Variants in DPP9 observed in about 807,000 individuals in gnomAD.
DPP9 encodes dipeptidyl peptidase IV-related protein-2.
Under a neutral mutation model 110.7 loss-of-function variants are expected in DPP9, and 50 were observed. The observed-to-expected ratio is 0.45, with a 90% CI of 0.36 to 0.57. The LOEUF (loss-of-function observed/expected upper bound fraction) is 0.57, where lower values mean the gene tolerates loss of function less well. Among genes scored for constraint, DPP9 ranks in the 20% least tolerant of loss-of-function variants. DPP9 has a pLI of 0.00. For missense variants in DPP9, 1,022 were observed against 1,217.9 expected (o/e 0.84, Z 2.39); for synonymous variants, 561 against 514.4 (o/e 1.09, Z -1.23).
At chr19:4,678,643 G>A (rs1169929940) in intron 21 of DPP9, among the ~76,000 whole-genome samples, 2 of 152,014 alleles carry the variant, frequency 1.3e-5, no homozygotes, top group African/African-American at 2.4e-5. Context: ...GGGTGTCGGT[G>A]GGGGGCACCG....
intron 21 of DPP9, 148 bp downstream of exon 21, chr19:4,679,687 A>G (rs2089520197): frequency 1.6e-6 from 1 of 633,976 alleles, no homozygotes. Flanking sequence ...GAGGGCGGGG[A>G]CACAGGGCTG....
intron 18 of DPP9, 71 bp from the exon 19 acceptor site, chr19:4,683,700 GCTC>G (rs1568302370): frequency 1.2e-6 from 2 of 1,612,474 alleles, no homozygotes; most frequent in Non-Finnish European, 1.7e-6. Context: ...TGACACCTCT[GCTC>G]CTTTCAGGGC....
rs538959029 is a variant in DPP9 at position 4,687,184 on chromosome 19, G to C, written c.1886-1413C>G. On this transcript the variant is annotated intron_variant, in intron 16 of 21. Coordinates refer to ENST00000262960, the MANE Select transcript of DPP9 (RefSeq NM_139159.5). The surrounding 1 kb of genome is among the most constrained non-coding windows in gnomAD (Gnocchi z 4.7). ...GGAGAGTGAGGACTGGGCTCTAGAG[G>C]GAGGCCTGGGATCTGTTTCTGCTCA... Among the ~76,000 whole-genome samples the C allele has an allele frequency of 3.9e-5, 6 of 152,292 alleles. No homozygotes were observed. Among genetic ancestry groups the C allele is most frequent in the East Asian group, 1.9e-4 (1 of 5,172 alleles).
chr19:4,717,808 C>G (rs1222264753), intron 3 of DPP9: 1 of 152,250 alleles, frequency 6.6e-6, no homozygotes, highest in Non-Finnish European at 1.5e-5. Context: ...GGGCACAGCC[C>G]GGATTGCAGA....
chr19:4,685,718 C>A lies in DPP9; in HGVS notation c.1939G>T (p.Asp647Tyr), dbSNP rs778055865. ...TAGATCATGCCGTAGAGCCGCACATCCGAGCGCGTGTGGAAATGGAAGATC... is the reference window on the plus strand; with the variant it reads ...TAGATCATGCCGTAGAGCCGCACATACGAGCGCGTGTGGAAATGGAAGATC... ...PEIFHFHTRS[D>Y]VRLYGMIYKP... The change falls in exon 17 of 22, where the codon GAT (aspartate) becomes TAT (tyrosine). Residue 647 changes from aspartate to tyrosine, a missense_variant. By Grantham distance (160) the Asp-to-Tyr change is radical. Coordinates refer to ENST00000262960, the MANE Select transcript of DPP9 (RefSeq NM_139159.5). This position sits in a 1 kb window ranked among gnomAD's most constrained non-coding sequence, Gnocchi z 5.8. 1.2e-6 allele frequency: 2 copies of A among 1,613,532 alleles called. No individual in the cohort carries two copies. Among genetic ancestry groups the A allele is most frequent in the Non-Finnish European group, 1.7e-6 (2 of 1,179,836 alleles).
chr19:4,713,411 G>C (rs1028163747), intron 4 of DPP9, among the ~76,000 whole-genome samples: 2 of 152,234 alleles, frequency 1.3e-5, no homozygotes, highest in Admixed American at 6.5e-5. Context: ...GTGCCCTGAA[G>C]GCACTCGTGG....
At chr19:4,680,918 C>G (rs751528069) in intron 20 of DPP9, among the ~76,000 whole-genome samples, 1 of 152,282 alleles carries the variant, frequency 6.6e-6, no homozygotes, top group African/African-American at 2.4e-5. Context: ...GATTAAGCCA[C>G]TGCACTCCAG....
chr19:4,709,474 G>A (rs2092733975), intron 4 of DPP9, among the ~76,000 whole-genome samples: 1 of 152,162 alleles, frequency 6.6e-6, no homozygotes, highest in African/African-American at 2.4e-5. Context: ...CGCAAGTGCT[G>A]GAAACACGAC....
rs756881639 is a variant in DPP9, at chr19:4,694,802, A to T, written c.1375T>A (p.Phe459Ile). The stretch of plus-strand genomic sequence containing the variant: ...TCGTCCTCTCCCTCTGATTGGGGGA[A>T]GGGATAGAAGATGTCATGAACCTGT... The part of the protein sequence containing the change: ...WINVHDIFYP[F>I]PQSEGEDELC... The change falls in exon 13 of 22, where the codon TTC becomes ATC. Residue 459 changes from phenylalanine to isoleucine, a missense_variant. Phe to Ile is a conservative substitution (Grantham distance 21). This residue lies in a region of DPP9 where 810 missense variants were observed against 920.6 expected (regional missense o/e 0.88). Coordinates refer to ENST00000262960, the MANE Select transcript of DPP9 (RefSeq NM_139159.5). The surrounding 1 kb of genome is among the most constrained non-coding windows in gnomAD (Gnocchi z 4.0). 34 of 1,613,750 alleles carry T rather than the reference A, an allele frequency of 2.1e-5. No individual in the cohort carries two copies. Among genetic ancestry groups the T allele is most frequent in the Non-Finnish European group, 2.8e-5 (33 of 1,179,868 alleles).
In DPP9 at chr19:4,700,289, G is replaced by A. The variant is rs765987033; in HGVS notation, c.1013-12C>T. ...GGGATTCTTGCTGCCTGCAAAAACC[G>A]AAGTGAGGTGAACACCAGGCAGGCA... On this transcript the variant is annotated splice_polypyrimidine_tract_variant and intron_variant, in intron 9 of 21. Transcript: ENST00000262960. This position sits in a 1 kb window ranked among gnomAD's most constrained non-coding sequence, Gnocchi z 4.3. The A allele has an allele frequency of 1.1e-5, 17 of 1,596,988 alleles. No individual in the cohort carries two copies. Among genetic ancestry groups the A allele is most frequent in the Admixed American group, 6.8e-5 (4 of 59,042 alleles).
In DPP9 at chr19:4,676,628, C is replaced by T. The variant is rs755693930; in HGVS notation, c.2615G>A (p.Arg872His). 2.5e-6 allele frequency: 4 copies of T among 1,607,876 alleles called. No individual in the cohort carries two copies. The highest frequency in any genetic ancestry group is 1.3e-5 in the African/African-American group (1 of 74,804). The change falls in exon 22 of 22, where the codon CGC (arginine) becomes CAC (histidine). Residue 872 changes from arginine (R) to histidine (H), a missense_variant. By Grantham distance (29) the Arg-to-His change is conservative. This residue lies in a region of DPP9 where 209 missense variants were observed against 280.4 expected (regional missense o/e 0.75). Transcript: ENST00000262960. This position sits in a 1 kb window ranked among gnomAD's most constrained non-coding sequence, Gnocchi z 4.0. ...ATAGTGCTCGCCCGACTCGGGGCAG[C>T]GAATACTGTGTCTCTCGTTGGGGTA... ...QIYPNERHSI[R>H]CPESGEHYEV... is the part of the protein sequence containing the mutation.
At chr19:4,721,494 G>A (rs945705963) in intron 2 of DPP9, among the ~76,000 whole-genome samples, 6 of 152,214 alleles carry the variant, frequency 3.9e-5, no homozygotes, top group Non-Finnish European at 8.8e-5. Flanking sequence ...AAAGAAGAGA[G>A]GGCCAGCTGG....
intron 2 of DPP9, among the ~76,000 whole-genome samples, chr19:4,721,883 C>T (rs768637039): frequency 3.0e-4 from 46 of 152,142 alleles, no homozygotes; most frequent in Non-Finnish European, 5.6e-4. Flanking sequence ...ACTCTCAGTC[C>T]AGTGGTGAAA....
rs1381883233 is a variant in DPP9 at position 4,718,523 on chromosome 19, G to GC, written c.56+1327dup. On this transcript the variant is annotated intron_variant, in intron 3 of 21. Transcript: ENST00000262960. This position sits in a 1 kb window ranked among gnomAD's most constrained non-coding sequence, Gnocchi z 4.3. ...CGGCCCAGGCCAGGCAAGTGCCCCT[G>GC]CAAGTGGGGGCTGCCGGGGAAACAG... 2.6e-5 allele frequency among the ~76,000 whole-genome samples: 4 copies of GC among 152,228 alleles called. No homozygotes were observed. Among genetic ancestry groups the GC allele is most frequent in the Admixed American group, 2.6e-4 (4 of 15,288 alleles).
intron 2 of DPP9, chr19:4,722,229 T>C: frequency 2.2e-6 from 1 of 452,640 alleles, no homozygotes; most frequent in Non-Finnish European, 4.0e-6. Flanking sequence ...CAGGCACCCC[T>C]CCACCAAATC....
At position 4,676,334 on chromosome 19, in the gene DPP9, C is replaced by T. The variant is rs2088827802; in HGVS notation, c.*230G>A. The T allele has an allele frequency of 3.6e-6, 2 of 563,122 alleles. No homozygotes were observed. Among genetic ancestry groups the T allele is most frequent in the African/African-American group, 1.9e-5 (1 of 52,880 alleles). 34.9% of individuals were successfully genotyped at this position (563,122 alleles called of 1,614,324 possible). On this transcript the variant is annotated 3_prime_UTR_variant, in exon 22 of 22. Coordinates refer to ENST00000262960, the MANE Select transcript of DPP9 (RefSeq NM_139159.5). The surrounding 1 kb of genome is among the most constrained non-coding windows in gnomAD (Gnocchi z 4.0). Reference sequence around the variant, plus strand: ...GAGAGGAGGGGCTGGCCCGAGACCACCATCTCTCTGTCTCGGCAACCAAGA... The same window carrying T: ...GAGAGGAGGGGCTGGCCCGAGACCATCATCTCTCTGTCTCGGCAACCAAGA...
chr19:4,682,186 T>G lies in DPP9; in HGVS notation c.2474+510A>C, dbSNP rs2089999320. The stretch of plus-strand genomic sequence containing the variant: ...ATTTTTAACCCCCTAGGTGACTGCA[T>G]GGGATTCCGGGGAACATTTTCTGGA... On this transcript the variant is annotated intron_variant, in intron 20 of 21. Coordinates refer to ENST00000262960, the MANE Select transcript of DPP9 (RefSeq NM_139159.5). This position sits in a 1 kb window ranked among gnomAD's most constrained non-coding sequence, Gnocchi z 7.1. Among the ~76,000 whole-genome samples the G allele has an allele frequency of 6.6e-6, 1 of 152,116 alleles. No individual in the cohort carries two copies. The highest frequency in any genetic ancestry group is 2.1e-4 in the South Asian group (1 of 4,822).
chr19:4,707,375 T>TGTCATTAGAAAA (rs2092635378), intron 4 of DPP9, among the ~76,000 whole-genome samples: 1 of 152,166 alleles, frequency 6.6e-6, no homozygotes, highest in Admixed American at 6.5e-5. Flanking sequence ...AGAAGCAGGA[T>TGTCATTAGAAAA]GGTAACCCCT....
intron 4 of DPP9, among the ~76,000 whole-genome samples, chr19:4,708,181 G>A (rs961015548): frequency 1.3e-5 from 2 of 152,024 alleles, no homozygotes; most frequent in East Asian, 3.9e-4. Context: ...GATAAATACC[G>A]AAAGCCAGCC....
Sources: gnomAD v4.1 joint callset for allele counts (sites outside exome capture counted in the v4.1 genomes callset) on GRCh38, gnomAD v4.1.1 for gene constraint, gnomAD v4.1.1 regional missense constraint, Gnocchi (gnomAD v3.1) non-coding constraint, MANE v1.5 for transcripts, NCBI Gene and HGNC (gene_info 2026-07-23, HGNC 2026-07-21) for gene names.